The following GRID2 variants were observed in gnomAD, a reference collection of about 807,000 sequenced individuals.
GRID2 encodes the protein glutamate receptor ionotropic, delta-2.
A neutral mutation model predicts 114.8 loss-of-function variants in GRID2; 33 were observed. That is an observed-to-expected ratio of 0.29 (90% CI 0.22 to 0.38). GRID2 has a LOEUF of 0.38. Ranked by LOEUF, GRID2 falls within the 10% of genes least tolerant of loss-of-function variation. The pLI, the probability that GRID2 is intolerant of heterozygous loss-of-function variation, is 1.00. For synonymous variants in GRID2, 505 were observed against 449.9 expected (o/e 1.12, Z -1.55); for missense variants, 1,184 against 1,257.7 (o/e 0.94, Z 0.89).
At chr4:92,608,953 A>G (rs761614411) in intron 2 of GRID2, among the ~76,000 whole-genome samples, 2 of 151,810 alleles carry the variant, frequency 1.3e-5, no homozygotes, top group Non-Finnish European at 2.9e-5. Context: ...AGGTGCATCA[A>G]TGTGCTTTCT....
chr4:93,207,480 G>T (rs1742942021), intron 5 of GRID2, 23 bp downstream of exon 5: 2 of 1,445,486 alleles, frequency 1.4e-6, no homozygotes, highest in South Asian at 2.3e-5. Flanking sequence ...AAACCTTATT[G>T]TTAACTCTGT....
chr4:92,541,747 A>G (rs913035810), intron 1 of GRID2, among the ~76,000 whole-genome samples: 2 of 152,144 alleles, frequency 1.3e-5, no homozygotes, highest in African/African-American at 4.8e-5. Context: ...GCATCCATGT[A>G]GAGGGTGAGA....
intron 3 of GRID2, among the ~76,000 whole-genome samples, chr4:93,085,864 T>G (rs1730290212): frequency 6.6e-6 from 1 of 152,118 alleles, no homozygotes; most frequent in Admixed American, 6.6e-5. Context: ...AAAAAAATTC[T>G]TTAATCTTCC....
At chr4:92,628,906 T>G (rs1365807798) in intron 2 of GRID2, among the ~76,000 whole-genome samples, 2 of 152,004 alleles carry the variant, frequency 1.3e-5, no homozygotes, top group African/African-American at 4.8e-5. Context: ...TTCCTTTCAC[T>G]TTTTCTTTGT....
chr4:92,366,583 A>G (rs1412038135), intron 1 of GRID2, among the ~76,000 whole-genome samples: 1 of 151,922 alleles, frequency 6.6e-6, no homozygotes, highest in Non-Finnish European at 1.5e-5. Flanking sequence ...TGTTGTCCCA[A>G]AATGTTTTGG....
At chr4:92,505,245 C>T (rs565306152) in intron 1 of GRID2, among the ~76,000 whole-genome samples, 35 of 151,806 alleles carry the variant, frequency 2.3e-4, no homozygotes, top group Middle Eastern at 3.4e-3. Flanking sequence ...TGAATTTTCT[C>T]ATTTATTTTC....
intron 4 of GRID2, among the ~76,000 whole-genome samples, chr4:93,204,627 C>T (rs1742486049): frequency 6.6e-6 from 1 of 152,006 alleles, no homozygotes; most frequent in Admixed American, 6.6e-5. Context: ...AGGATTTGTG[C>T]CTCAATATTA....
At chr4:92,733,845 T>C (rs1046613944) in intron 2 of GRID2, among the ~76,000 whole-genome samples, 1 of 152,044 alleles carries the variant, frequency 6.6e-6, no homozygotes, top group African/African-American at 2.4e-5. Context: ...AATCTGAACG[T>C]TGATGGAGGA....
Position 93,002,964 on chromosome 4 carries a change from C to T in GRID2, c.245-82031C>T, listed in dbSNP as rs1036441876. 1.3e-4 allele frequency among the ~76,000 whole-genome samples: 20 copies of T among 151,800 alleles called. 1 individual carries two copies. In the East Asian group the frequency reaches 2.5e-3, roughly 19 times the overall value. ...CTACATCCTTTTCCTTCCATCTTCA[C>T]GTCTCCTAATTGTTTTTATGTTGTC... On this transcript the variant is annotated intron_variant, in intron 2 of 15. Transcript: ENST00000282020.
chr4:93,080,379 AAAT>A (rs888358456), intron 2 of GRID2, among the ~76,000 whole-genome samples: 2 of 152,222 alleles, frequency 1.3e-5, no homozygotes, highest in African/African-American at 4.8e-5. Context: ...ATTATTGAAA[AAAT>A]AATAAAAAGT....
intron 8 of GRID2, among the ~76,000 whole-genome samples, chr4:93,307,226 A>T (rs1307257249): frequency 6.6e-6 from 1 of 151,954 alleles, no homozygotes; most frequent in African/African-American, 2.4e-5. Context: ...AAAAAAAAAA[A>T]AAATAAGAGG....
intron 12 of GRID2, among the ~76,000 whole-genome samples, chr4:93,500,012 C>T (rs971538437): frequency 2.1e-4 from 32 of 151,880 alleles, no homozygotes; most frequent in Non-Finnish European, 2.9e-4. Context: ...AAATGGCATC[C>T]ATAAGGGTTA....
intron 1 of GRID2, among the ~76,000 whole-genome samples, chr4:92,445,832 TTTTAGCTCTGC>T (rs1733428901): frequency 6.6e-6 from 1 of 152,256 alleles, no homozygotes; most frequent in African/African-American, 2.4e-5. Flanking sequence ...CAATTAACAT[TTTTAGCTCTGC>T]TATTGTTAAT....
At chr4:92,928,328 A>G (rs770522432) in intron 2 of GRID2, among the ~76,000 whole-genome samples, 1 of 151,726 alleles carries the variant, frequency 6.6e-6, no homozygotes, top group East Asian at 1.9e-4. Context: ...TATAATTTTT[A>G]TTTAGAAAGA....
At chr4:93,021,703 A>G (rs917702438) in intron 2 of GRID2, among the ~76,000 whole-genome samples, 2 of 145,426 alleles carry the variant, frequency 1.4e-5, no homozygotes, top group African/African-American at 2.5e-5. Flanking sequence ...GTATATTATG[A>G]ATATTATAAT....
chr4:92,449,407 G>A (rs1031414717), intron 1 of GRID2, among the ~76,000 whole-genome samples: 1 of 151,666 alleles, frequency 6.6e-6, no homozygotes, highest in Non-Finnish European at 1.5e-5. Context: ...ATATTTCATG[G>A]TCAGATCCAT....
intron 1 of GRID2, among the ~76,000 whole-genome samples, chr4:93,800,532 T>C (rs1363663906): frequency 6.6e-6 from 1 of 152,190 alleles, no homozygotes; most frequent in Admixed American, 6.5e-5. Context: ...GTATTAAAGA[T>C]TTGGTTCTTA....
At chr4:93,433,035 A>C (rs1231114592) in intron 10 of GRID2, among the ~76,000 whole-genome samples, 2 of 152,114 alleles carry the variant, frequency 1.3e-5, no homozygotes. Context: ...GCACCACCGC[A>C]CTCTAGCCTG....
At chr4:93,462,964 G>GC (rs1553934003) in intron 11 of GRID2, among the ~76,000 whole-genome samples, 1 of 152,048 alleles carries the variant, frequency 6.6e-6, no homozygotes, top group African/African-American at 2.4e-5. Context: ...ACAAAGACAG[G>GC]TTTTTTTCTA....
Sources: gnomAD v4.1 joint callset for allele counts (sites outside exome capture counted in the v4.1 genomes callset) on GRCh38, gnomAD v4.1.1 for gene constraint, MANE v1.5 for transcripts, NCBI Gene and HGNC (gene_info 2026-07-23, HGNC 2026-07-21) for gene names.